Variants in VPS13D observed in about 807,000 individuals in gnomAD.
The protein encoded by VPS13D is intermembrane lipid transfer protein VPS13D.
VPS13D carries 187 observed loss-of-function variants against 461.9 expected under a neutral mutation model. The observed-to-expected ratio is 0.40, with a 90% confidence interval of 0.36 to 0.46. VPS13D has a LOEUF of 0.46. VPS13D is among the 20% of genes least tolerant of loss of function. The pLI is 0.60. For synonymous variants in VPS13D, 1,951 were observed against 1,986.3 expected, an observed-to-expected ratio of 0.98 and a Z score of 0.47; for missense variants, 4,711 against 5,364.9, an observed-to-expected ratio of 0.88 and a Z score of 3.81.
At chr1:12,238,295 A>G (rs541936741) in intron 2 of VPS13D, among the ~76,000 whole-genome samples, 12 of 144,090 alleles carry the variant, frequency 8.3e-5, no homozygotes, top group Non-Finnish European at 1.5e-4. Flanking sequence ...GTATACATAC[A>G]GGCATGGTGG....
At chr1:12,339,702 T>C (rs1643526357) in intron 40 of VPS13D, among the ~76,000 whole-genome samples, 1 of 152,228 alleles carries the variant, frequency 6.6e-6, no homozygotes, top group African/African-American at 2.4e-5. Flanking sequence ...GATGTTGGGC[T>C]TGGATTTGCG....
intron 67 of VPS13D, among the ~76,000 whole-genome samples, chr1:12,493,441 C>T (rs1311153708): frequency 6.7e-6 from 1 of 150,084 alleles, no homozygotes; most frequent in East Asian, 2.0e-4. Context: ...CAAGATTGCA[C>T]CATTGCACTC....
chr1:12,271,034 A>G lies in VPS13D; in HGVS notation c.2013A>G (p.Glu671=). The part of the protein sequence containing the change: ...YQSELELRVA[E]AARRQYNKLK... ...CTGAACTTGAGCTGAGAGTGGCTGA[A>G]GCTGCCCGAAGACAATATAACAAGC... Residue 671 remains glutamate (E), a synonymous_variant, in exon 17 of 70, where the codon GAA becomes GAG. Coordinates refer to ENST00000620676, the MANE Select transcript of VPS13D (RefSeq NM_015378.4). The G allele has an allele frequency of 6.2e-7, 1 of 1,613,922 alleles. No individual in the cohort carries two copies. Among genetic ancestry groups the G allele is most frequent in the Non-Finnish European group, 8.5e-7 (1 of 1,179,888 alleles).
chr1:12,483,782 G>T lies in VPS13D; in HGVS notation c.12663-13718G>T, dbSNP rs190787832. On this transcript the variant is annotated intron_variant, in intron 67 of 69. Coordinates refer to ENST00000620676, the MANE Select transcript of VPS13D (RefSeq NM_015378.4). ...TGGGAGGCCGAGGTGGGCGGATCACGAGGTCAGGAGTTCGAGACCAGCCTG... is the reference window on the plus strand; with the variant it reads ...TGGGAGGCCGAGGTGGGCGGATCACTAGGTCAGGAGTTCGAGACCAGCCTG... Among the ~76,000 whole-genome samples the T allele has an allele frequency of 2.4e-3, 361 of 151,818 alleles. 3 individuals are homozygous for T. The highest frequency in any genetic ancestry group is 3.8e-3 in the Non-Finnish European group (256 of 67,936).
At chr1:12,423,692 C>T (rs1644889837) in intron 65 of VPS13D, among the ~76,000 whole-genome samples, 1 of 152,210 alleles carries the variant, frequency 6.6e-6, no homozygotes, top group South Asian at 2.1e-4. Flanking sequence ...AGCCATGATC[C>T]AGTGGAAACT....
intron 35 of VPS13D, 36 bp from the exon 36 acceptor site, chr1:12,327,612 G>A: frequency 6.2e-7 from 1 of 1,607,122 alleles, no homozygotes; most frequent in African/African-American, 1.3e-5. Context: ...AGCTGTGGAA[G>A]CTGGTAGAAC....
At position 12,510,428 on chromosome 1, in the gene VPS13D, G is replaced by A. The variant is rs1374712280; in HGVS notation, c.*1404G>A. The A allele has an allele frequency of 1.3e-5, 2 of 152,108 alleles. No individual in the cohort carries two copies. The highest frequency in any genetic ancestry group is 2.9e-5 in the Non-Finnish European group (2 of 68,038). 9.4% of individuals were successfully genotyped at this position (152,108 alleles called of 1,614,324 possible). The stretch of plus-strand genomic sequence containing the variant: ...GATCAGTGGATGCGTGGAAGGTTTT[G>A]GTGTTTATAACTCATGACCCAAATC... On this transcript the variant is annotated 3_prime_UTR_variant, in exon 70 of 70. Transcript: ENST00000620676.
Position 12,244,587 on chromosome 1 carries a change from C to T in VPS13D, c.417C>T (p.Ser139=), listed in dbSNP as rs34489138. The change falls in exon 5 of 70, where the codon TCC becomes TCT. Residue 139 remains serine (S), a synonymous_variant. Coordinates refer to ENST00000620676, the MANE Select transcript of VPS13D (RefSeq NM_015378.4). ...CCTATTGGTATTCAGTTACCGCCTC[C>T]GTAGTTACAAGGATTGTGGAGAATA... ...GESYWYSVTA[S]VVTRIVENIE... 1,619 of 1,614,160 alleles carry T rather than the reference C, an allele frequency of 1.0e-3. 11 individuals carry two copies. In the African/African-American group the frequency reaches 0.019, roughly 19 times the overall value.
At chr1:12,435,783 T>A (rs1645052113) in intron 65 of VPS13D, among the ~76,000 whole-genome samples, 1 of 151,930 alleles carries the variant, frequency 6.6e-6, no homozygotes, top group Non-Finnish European at 1.5e-5. Context: ...GGCTGTATTA[T>A]CAAGGGGATA....
chr1:12,313,947 T>A (rs1166808832), intron 29 of VPS13D, among the ~76,000 whole-genome samples, 168 bp from the exon 30 acceptor site: 1 of 152,168 alleles, frequency 6.6e-6, no homozygotes, highest in Non-Finnish European at 1.5e-5. Context: ...CTAACTCCAT[T>A]TTGAGGAGTC....
intron 2 of VPS13D, among the ~76,000 whole-genome samples, chr1:12,240,804 G>A (rs1283076494): frequency 9.7e-6 from 1 of 102,866 alleles, no homozygotes; most frequent in Non-Finnish European, 1.7e-5. Flanking sequence ...TAGTCGTAAG[G>A]TATGGTGGTG....
chr1:12,397,173 A>C (rs1437315065), intron 60 of VPS13D, among the ~76,000 whole-genome samples: 1 of 152,194 alleles, frequency 6.6e-6, no homozygotes. Context: ...ACCTCAGGTG[A>C]TCTGCACACC....
chr1:12,312,719 A>G (rs1642788717), intron 29 of VPS13D, among the ~76,000 whole-genome samples: 1 of 152,296 alleles, frequency 6.6e-6, no homozygotes, highest in Non-Finnish European at 1.5e-5. Flanking sequence ...TGATCACACC[A>G]CTGCACTCCA....
In VPS13D at chr1:12,432,399, A is replaced by G. The variant is rs538285086; in HGVS notation, c.12333+15572A>G. Reference sequence around the variant, plus strand: ...ACAAGAGCAAAACTCCGTCTCAAAAAAAAAAAAAAAGAAAAGAGCGAAAAC... The same window carrying G: ...ACAAGAGCAAAACTCCGTCTCAAAAGAAAAAAAAAAGAAAAGAGCGAAAAC... On this transcript the variant is annotated intron_variant, in intron 65 of 69. Coordinates refer to ENST00000620676, the MANE Select transcript of VPS13D (RefSeq NM_015378.4). Among the ~76,000 whole-genome samples the G allele has an allele frequency of 1.2e-4, 18 of 151,914 alleles. No homozygotes were observed. The South Asian group carries it at 3.7e-3, about 32-fold the overall frequency.
intron 34 of VPS13D, 50 bp from the exon 35 acceptor site, chr1:12,323,656 T>C (rs375230112): frequency 1.3e-4 from 204 of 1,532,324 alleles, no homozygotes; most frequent in Non-Finnish European, 1.7e-4. Flanking sequence ...AGTTTGTAGA[T>C]TAATTTACAT....
intron 57 of VPS13D, 120 bp from the exon 58 acceptor site, chr1:12,382,856 A>G (rs1310767105): frequency 8.1e-6 from 7 of 867,634 alleles, no homozygotes; most frequent in African/African-American, 3.4e-5. Flanking sequence ...TTTGTTGCAC[A>G]TTGATCATGA....
intron 24 of VPS13D, among the ~76,000 whole-genome samples, chr1:12,298,860 T>C (rs1642346896): frequency 6.6e-6 from 1 of 152,198 alleles, no homozygotes; most frequent in African/African-American, 2.4e-5. Context: ...TCTAAAGTCG[T>C]GGTGTAAATT....
intron 68 of VPS13D, among the ~76,000 whole-genome samples, chr1:12,503,930 G>A (rs1646069335): frequency 6.6e-6 from 1 of 152,148 alleles, no homozygotes; most frequent in Non-Finnish European, 1.5e-5. Flanking sequence ...CCAGGGAAGG[G>A]GAATTACCTG....
intron 52 of VPS13D, 35 bp from the exon 53 acceptor site, chr1:12,368,432 AT>A (rs777855458): frequency 6.3e-7 from 1 of 1,575,382 alleles, no homozygotes; most frequent in Non-Finnish European, 8.6e-7. Context: ...TGTCTCCTAC[AT>A]TTTATGTAGC....
Sources: gnomAD v4.1 joint callset for allele counts (sites outside exome capture counted in the v4.1 genomes callset) on GRCh38, gnomAD v4.1.1 for gene constraint, MANE v1.5 for transcripts, NCBI Gene and HGNC (gene_info 2026-07-23, HGNC 2026-07-21) for gene names.